ADGRB2: variants seen among roughly 807,000 people sequenced by gnomAD.
ADGRB2 encodes brain-specific angiogenesis inhibitor 2.
ADGRB2 carries 47 observed loss-of-function variants against 178.7 expected under a neutral mutation model. The ratio of observed to expected loss-of-function variants is 0.26; its 90% CI spans 0.21 to 0.34. ADGRB2 has a LOEUF of 0.34. ADGRB2 is among the 10% of genes least tolerant of loss of function. The pLI is 1.00. For synonymous variants in ADGRB2, 870 were observed against 912.4 expected (o/e 0.95, Z 0.84); for missense variants, 1,584 against 2,180.8 (o/e 0.73, Z 5.45).
chr1:31,739,628 G>A lies in ADGRB2; in HGVS notation c.2175C>T (p.Ser725=), dbSNP rs928479327. Residue 725 remains serine (S), a synonymous_variant, in exon 15 of 33, where the codon AGC becomes AGT. Coordinates refer to ENST00000373658, the MANE Select transcript of ADGRB2 (RefSeq NM_001364857.2). The part of the protein sequence containing the change: ...SLIVTDNLVI[S]IQREPVSAVS... ...CAGCTGAGACGGGCTCTCGCTGAAT[G>A]CTGATCACTGCAGTGGGAGGAGGGT... 6.3e-7 allele frequency: 1 copy of A among 1,584,188 alleles called. No homozygotes were observed. Among genetic ancestry groups the A allele is most frequent in the Admixed American group, 1.7e-5 (1 of 58,114 alleles).
intron 4 of ADGRB2, among the ~76,000 whole-genome samples, chr1:31,750,844 CT>C (rs1223503821): frequency 6.6e-6 from 1 of 152,092 alleles, no homozygotes; most frequent in African/African-American, 2.4e-5. Flanking sequence ...CTGGGTACCC[CT>C]ATGAGATCAT....
rs929826783 is a variant in ADGRB2, at chr1:31,753,497, C to T, written c.838+2502G>A. The stretch of plus-strand genomic sequence containing the variant: ...GCTAGGCCTCACTGTGGATCTTCCT[C>T]GGGGGTGTCCCAGAGAAGATGAACA... On this transcript the variant is annotated intron_variant, in intron 4 of 32. Coordinates refer to ENST00000373658, the MANE Select transcript of ADGRB2 (RefSeq NM_001364857.2). This position sits in a 1 kb window ranked among gnomAD's most constrained non-coding sequence, Gnocchi z 4.1. 1.3e-5 allele frequency among the ~76,000 whole-genome samples: 2 copies of T among 152,180 alleles called. No individual in the cohort carries two copies. Among genetic ancestry groups the T allele is most frequent in the East Asian group, 1.9e-4 (1 of 5,190 alleles).
chr1:31,756,706 G>T lies in ADGRB2; in HGVS notation c.131C>A (p.Ala44Asp), dbSNP rs762429532. 6.2e-7 allele frequency: 1 copy of T among 1,602,660 alleles called. No homozygotes were observed. The highest frequency in any genetic ancestry group is 8.5e-7 in the Non-Finnish European group (1 of 1,175,130). The part of the protein sequence containing the change: ...DPAPSACSAL[A>D]SGVLYGAFSL... ...GAAGGCCCCGTAGAGCACACCCGAG[G>T]CCAGGGCAGAGCAGGCACTGGGGGC... The change falls in exon 4 of 33, where the codon GCC becomes GAC. Residue 44 changes from alanine (A) to aspartate (D), a missense_variant. By Grantham distance (126) the Ala-to-Asp change is moderately radical. Transcript: ENST00000373658. The surrounding 1 kb of genome is among the most constrained non-coding windows in gnomAD (Gnocchi z 8.5).
Position 31,737,766 on chromosome 1 carries a change from T to C in ADGRB2, c.2773-11A>G. On this transcript the variant is annotated splice_polypyrimidine_tract_variant and intron_variant, in intron 18 of 32. Transcript: ENST00000373658. ...CGCCAGCTCCAGGGTCTGGGGAAGA[T>C]GGGCAGACAGTCAGATGGGTTCCTG... is the stretch of plus-strand genomic sequence containing the variant. The C allele has an allele frequency of 1.2e-6, 2 of 1,612,534 alleles. No homozygotes were observed. The highest frequency in any genetic ancestry group is 2.2e-5 in the East Asian group (1 of 44,880).
intron 1 of ADGRB2, among the ~76,000 whole-genome samples, chr1:31,762,430 C>T (rs1307817682): frequency 6.6e-6 from 1 of 152,166 alleles, no homozygotes; most frequent in African/African-American, 2.4e-5. Flanking sequence ...AGGCAGAGCC[C>T]ACCTTTGCCC....
chr1:31,741,453 T>C lies in ADGRB2; in HGVS notation c.1714A>G (p.Ser572Gly). ...SGSASRRCLL[S>G]AQGVAYWGLP... ...CCCCAGTACGCCACGCCTTGGGCAC[T>C]GAGGAGACAGCGGCGGCTGGCAGAC... The change falls in exon 11 of 33, where the codon AGT (serine) becomes GGT (glycine). Residue 572 changes from serine (S) to glycine (G), a missense_variant. Around this residue, in one of 3 missense-constraint regions of ADGRB2, gnomAD observed 657 missense variants for 847.6 expected, o/e 0.78. Transcript: ENST00000373658. The surrounding 1 kb of genome is among the most constrained non-coding windows in gnomAD (Gnocchi z 6.5). 1.1e-5 allele frequency: 18 copies of C among 1,601,898 alleles called. No individual in the cohort carries two copies. Among genetic ancestry groups the C allele is most frequent in the Non-Finnish European group, 1.5e-5 (18 of 1,174,382 alleles).
At position 31,742,310 on chromosome 1, in the gene ADGRB2, G is replaced by C. The variant is rs187667544; in HGVS notation, c.1253-93C>G. On this transcript the variant is annotated intron_variant, in intron 7 of 32. Coordinates refer to ENST00000373658, the MANE Select transcript of ADGRB2 (RefSeq NM_001364857.2). ...CCACAGGAAGACCCAGAGCCTGCTAGGCATTCAGATTTGAGCCAGGCCAGA... is the reference window on the plus strand; with the variant it reads ...CCACAGGAAGACCCAGAGCCTGCTACGCATTCAGATTTGAGCCAGGCCAGA... The C allele has an allele frequency of 5.4e-6, 8 of 1,494,448 alleles. No individual in the cohort carries two copies. The African/African-American group carries it at 1.1e-4, about 21-fold the overall frequency. The allele number at this position is 1,494,448 out of a possible 1,614,324, so 92.6% of individuals were successfully genotyped here.
At position 31,756,590 on chromosome 1, in the gene ADGRB2, A is replaced by G; in HGVS notation, c.247T>C (p.Phe83Leu). Residue 83 changes from phenylalanine (F) to leucine (L), a missense_variant, in exon 4 of 33, where the codon TTC becomes CTC. This residue lies in a region of ADGRB2 where 657 missense variants were observed against 847.6 expected (regional missense o/e 0.78). Transcript: ENST00000373658. This position sits in a 1 kb window ranked among gnomAD's most constrained non-coding sequence, Gnocchi z 8.5. ...DPTKYSLYLRFNRQEQVCAHF... is the reference protein window; with the variant it reads ...DPTKYSLYLRLNRQEQVCAHF... ...GCGCACACCTGCTCCTGGCGGTTGA[A>G]GCGCAGGTAGAGGGAGTACTTGGTG... 6.2e-7 allele frequency: 1 copy of G among 1,609,286 alleles called. No individual in the cohort carries two copies. The highest frequency in any genetic ancestry group is 8.5e-7 in the Non-Finnish European group (1 of 1,177,242).
Position 31,744,603 on chromosome 1 carries a change from C to T in ADGRB2, c.922+45G>A, listed in dbSNP as rs776802259. On this transcript the variant is annotated intron_variant, in intron 5 of 32. Coordinates refer to ENST00000373658, the MANE Select transcript of ADGRB2 (RefSeq NM_001364857.2). The surrounding 1 kb of genome is among the most constrained non-coding windows in gnomAD (Gnocchi z 6.7). ...AAGCACACACACCACCAGACGCACA[C>T]AGTCGGGCCCCCGCCGCAGAGGAAG... The T allele has an allele frequency of 5.0e-6, 8 of 1,600,638 alleles. No homozygotes were observed. The highest frequency in any genetic ancestry group is 4.4e-5 in the South Asian group (4 of 90,010).
chr1:31,744,655 C>T lies in ADGRB2; in HGVS notation c.915G>A (p.Ala305=), dbSNP rs369848432. 12 of 1,614,042 alleles carry T rather than the reference C, an allele frequency of 7.4e-6. No individual in the cohort carries two copies. Among genetic ancestry groups the T allele is most frequent in the Admixed American group, 5.0e-5 (3 of 60,006 alleles). The change falls in exon 5 of 33, where the codon GCG becomes GCA. Residue 305 remains alanine, a synonymous_variant. Transcript: ENST00000373658. This position sits in a 1 kb window ranked among gnomAD's most constrained non-coding sequence, Gnocchi z 6.7. ...RSADEPGLYM[A]QTGDPAAEEW... is the part of the protein sequence containing the mutation. The stretch of plus-strand genomic sequence containing the variant: ...GAGGCGGGCCCGAGTTACCTGTCTG[C>T]GCCATGTATAGCCCAGGCTCATCTG...
rs1183223727 is a variant in ADGRB2, at chr1:31,733,004, T to C, written c.3592A>G (p.Ile1198Val). The C allele has an allele frequency of 5.1e-6, 8 of 1,565,754 alleles. No homozygotes were observed. Among genetic ancestry groups the C allele is most frequent in the African/African-American group, 1.4e-5 (1 of 73,530 alleles). ...CGCAGGAAGCAGTGCACAGCAGTGATGACAAAGCCCTGCGCGGAGTTGAAG... is the reference window on the plus strand; with the variant it reads ...CGCAGGAAGCAGTGCACAGCAGTGACGACAAAGCCCTGCGCGGAGTTGAAG... ...AVFNSAQGFV[I>V]TAVHCFLRRE... Residue 1198 changes from isoleucine to valine, a missense_variant, in exon 26 of 33, where the codon ATC (isoleucine) becomes GTC (valine). Transcript: ENST00000373658. This position sits in a 1 kb window ranked among gnomAD's most constrained non-coding sequence, Gnocchi z 4.3.
Position 31,741,864 on chromosome 1 carries a change from C to A in ADGRB2, c.1521G>T (p.Thr507=), listed in dbSNP as rs762555863. The change falls in exon 9 of 33, where the codon ACG becomes ACT. Residue 507 remains threonine, a synonymous_variant. Transcript: ENST00000373658. This position sits in a 1 kb window ranked among gnomAD's most constrained non-coding sequence, Gnocchi z 6.5. ...RRFRMCQATG[T]QGYPCEGTGE... is the part of the protein sequence containing the mutation. The stretch of plus-strand genomic sequence containing the variant: ...CGGTGCCCTCGCAGGGGTAGCCCTG[C>A]GTGCCCGTGGCCTGGCACATGCGGA... The A allele has an allele frequency of 5.0e-6, 8 of 1,610,324 alleles. No homozygotes were observed. Among genetic ancestry groups the A allele is most frequent in the East Asian group, 2.2e-5 (1 of 44,804 alleles).
chr1:31,737,287 A>G, intron 20 of ADGRB2, 142 bp downstream of exon 20: 1 of 784,802 alleles, frequency 1.3e-6, no homozygotes, highest in Non-Finnish European at 2.1e-6. Context: ...CTCACACACT[A>G]TTTCATACAC....
In ADGRB2 at chr1:31,739,923, T is replaced by G; in HGVS notation, c.2167+3A>C. 2 of 1,613,508 alleles carry G rather than the reference T, an allele frequency of 1.2e-6. No individual in the cohort carries two copies. Among genetic ancestry groups the G allele is most frequent in the Middle Eastern group, 1.7e-4 (1 of 6,054 alleles). On this transcript the variant is annotated splice_donor_region_variant and intron_variant, in intron 14 of 32. Coordinates refer to ENST00000373658, the MANE Select transcript of ADGRB2 (RefSeq NM_001364857.2). The stretch of plus-strand genomic sequence containing the variant: ...ACCCCCACCCTTGCCTGACTCCTTC[T>G]ACCTAGATTATCTGTGACAATCAGA...
In ADGRB2 at chr1:31,744,473, GA is replaced by G; in HGVS notation, c.923-117del. On this transcript the variant is annotated intron_variant, in intron 5 of 32. Transcript: ENST00000373658. The surrounding 1 kb of genome is among the most constrained non-coding windows in gnomAD (Gnocchi z 6.7). The stretch of plus-strand genomic sequence containing the variant: ...GGCATCAGAGGGCTCCTCCTACCCT[GA>G]CCCCAAGTAACAGGCTCTTCAGGAG... 6.8e-7 allele frequency: 1 copy of G among 1,468,044 alleles called. No individual in the cohort carries two copies. Among genetic ancestry groups the G allele is most frequent in the African/African-American group, 1.4e-5 (1 of 70,752 alleles). The allele number at this position is 1,468,044 out of a possible 1,614,324, so 90.9% of individuals were successfully genotyped here.
chr1:31,740,194 T>C lies in ADGRB2; in HGVS notation c.1990-16A>G. On this transcript the variant is annotated splice_polypyrimidine_tract_variant and intron_variant, in intron 12 of 32. Coordinates refer to ENST00000373658, the MANE Select transcript of ADGRB2 (RefSeq NM_001364857.2). The surrounding 1 kb of genome is among the most constrained non-coding windows in gnomAD (Gnocchi z 5.9). ...GGAAGAAGCGCTGAGGAGAGAGCAA[T>C]GAGTGGCAGGGGGTCCTAGCCCCAG... 1 of 1,613,996 alleles carries C rather than the reference T, an allele frequency of 6.2e-7. No homozygotes were observed. Among genetic ancestry groups the C allele is most frequent in the Non-Finnish European group, 8.5e-7 (1 of 1,180,000 alleles).
Position 31,736,740 on chromosome 1 carries a change from T to C in ADGRB2, c.2980-17A>G, listed in dbSNP as rs370784373. 4.0e-5 allele frequency: 64 copies of C among 1,611,162 alleles called. No homozygotes were observed. In the African/African-American group the frequency reaches 7.8e-4, roughly 20 times the overall value. On this transcript the variant is annotated splice_polypyrimidine_tract_variant and intron_variant, in intron 20 of 32. Coordinates refer to ENST00000373658, the MANE Select transcript of ADGRB2 (RefSeq NM_001364857.2). ...GCACACGCCCTGCAGGGAGAGGGAA[T>C]GGGAGGGAGTGGCCCTGAGCAGCCG...
chr1:31,734,176 A>C (rs1645446173), intron 25 of ADGRB2, among the ~76,000 whole-genome samples: 1 of 152,210 alleles, frequency 6.6e-6, no homozygotes, highest in Non-Finnish European at 1.5e-5. Context: ...AGAGGGTCTA[A>C]TCACAGTAAT....
At chr1:31,757,724 C>T (rs967364308) in intron 1 of ADGRB2, among the ~76,000 whole-genome samples, 1 of 152,220 alleles carries the variant, frequency 6.6e-6, no homozygotes, top group African/African-American at 2.4e-5. Flanking sequence ...CCCCACCCCC[C>T]ACTACCCACC....
Sources: allele counts gnomAD v4.1 joint callset (sites outside exome capture counted in the v4.1 genomes callset), GRCh38; gene constraint gnomAD v4.1.1; regional missense constraint gnomAD v4.1.1; non-coding constraint Gnocchi (gnomAD v3.1); transcripts MANE v1.5; gene names NCBI Gene and HGNC (gene_info 2026-07-23, HGNC 2026-07-21).